PAX7: variants seen among roughly 807,000 people sequenced by gnomAD.
The protein encoded by PAX7 is paired box protein Pax-7.
In PAX7, 18 loss-of-function variants were observed where a neutral mutation model predicts 50.7. The ratio of observed to expected loss-of-function variants is 0.36; its 90% CI spans 0.25 to 0.53. The LOEUF (loss-of-function observed/expected upper bound fraction) is 0.53. Ranked by LOEUF, PAX7 falls within the 20% of genes least tolerant of loss-of-function variation. The probability of loss-of-function intolerance (pLI) is 0.93; values close to 1 mark genes in which losing one functional copy is unlikely to be tolerated. For synonymous variants in PAX7, 310 were observed against 290.4 expected, an observed-to-expected ratio of 1.07 and a Z score of -0.69; for missense variants, 644 against 702.9, an observed-to-expected ratio of 0.92 and a Z score of 0.95.
chr1:18,718,505 A>T (rs1030936138), intron 7 of PAX7, among the ~76,000 whole-genome samples: 2 of 152,190 alleles, frequency 1.3e-5, no homozygotes, highest in African/African-American at 2.4e-5. Context: ...GGCCTGGCAC[A>T]TCCAAAGCAT....
intron 4 of PAX7, among the ~76,000 whole-genome samples, chr1:18,682,393 G>A (rs1246961480): frequency 2.0e-5 from 3 of 152,200 alleles, no homozygotes; most frequent in African/African-American, 7.2e-5. Flanking sequence ...GCATGGAGGA[G>A]TCTTGCCCTT....
chr1:18,661,056 G>A (rs1052347550), intron 4 of PAX7, among the ~76,000 whole-genome samples: 2 of 152,070 alleles, frequency 1.3e-5, no homozygotes, highest in African/African-American at 2.4e-5. Context: ...AATAGGGAGG[G>A]GGCCAAAGCA....
chr1:18,679,358 G>A (rs2088865950), intron 4 of PAX7, among the ~76,000 whole-genome samples: 1 of 152,216 alleles, frequency 6.6e-6, no homozygotes, highest in Admixed American at 6.5e-5. Flanking sequence ...GTGGGGAGGG[G>A]GAGAAGGAGG....
chr1:18,704,855 A>C (rs773182619), intron 7 of PAX7, among the ~76,000 whole-genome samples: 2 of 152,196 alleles, frequency 1.3e-5, no homozygotes, highest in Non-Finnish European at 2.9e-5. Flanking sequence ...ACCCTTGAGT[A>C]AGTCCCTTCC....
intron 5 of PAX7, among the ~76,000 whole-genome samples, chr1:18,698,902 A>T (rs1166134461): frequency 1.3e-5 from 2 of 152,138 alleles, no homozygotes; most frequent in Admixed American, 1.3e-4. Context: ...GGGGTGCATA[A>T]GCGCCCTCCA....
intron 7 of PAX7, among the ~76,000 whole-genome samples, chr1:18,730,083 G>C (rs1448785484): frequency 1.3e-5 from 2 of 152,108 alleles, no homozygotes; most frequent in African/African-American, 2.4e-5. Context: ...AAAAAGGAAG[G>C]GGAGGGGGAC....
chr1:18,741,821 G>A (rs1200459300), intron 8 of PAX7, among the ~76,000 whole-genome samples: 1 of 152,198 alleles, frequency 6.6e-6, no homozygotes, highest in African/African-American at 2.4e-5. Flanking sequence ...AGAGCACCTC[G>A]TGCCCTCTAG....
intron 4 of PAX7, among the ~76,000 whole-genome samples, chr1:18,672,596 GTTTTTTTT>G (rs1034079316): frequency 1.6e-5 from 2 of 125,820 alleles, no homozygotes; most frequent in Admixed American, 1.7e-4. Flanking sequence ...AGAGCACTGT[GTTTTTTTT>G]TTTTTTTTTT....
intron 4 of PAX7, among the ~76,000 whole-genome samples, chr1:18,676,259 T>C (rs1400976476): frequency 6.6e-6 from 1 of 152,002 alleles, no homozygotes; most frequent in Non-Finnish European, 1.5e-5. Context: ...GTGTTGCAAA[T>C]CAGAAATTTG....
chr1:18,641,919 G>A (rs2088261551), intron 4 of PAX7, among the ~76,000 whole-genome samples: 1 of 151,846 alleles, frequency 6.6e-6, no homozygotes, highest in Admixed American at 6.6e-5. Context: ...CCCTGGTCCT[G>A]AGACTGCATC....
intron 8 of PAX7, among the ~76,000 whole-genome samples, chr1:18,739,041 G>C (rs540623973): frequency 1.3e-5 from 2 of 152,228 alleles, no homozygotes; most frequent in Admixed American, 1.3e-4. Flanking sequence ...GACTGTGCCC[G>C]CCTATGCCCA....
chr1:18,693,352 G>C (rs1001731978), intron 5 of PAX7, among the ~76,000 whole-genome samples: 1 of 152,168 alleles, frequency 6.6e-6, no homozygotes, highest in Non-Finnish European at 1.5e-5. Context: ...TCGGGTCAGC[G>C]TGGTCACCCC....
chr1:18,705,779 C>T (rs1182035099), intron 7 of PAX7, among the ~76,000 whole-genome samples: 2 of 152,168 alleles, frequency 1.3e-5, no homozygotes, highest in Non-Finnish European at 2.9e-5. Context: ...AAGTTGGACG[C>T]CCAGCCCTCC....
At chr1:18,723,424 G>A (rs1403201384) in intron 7 of PAX7, among the ~76,000 whole-genome samples, 2 of 152,198 alleles carry the variant, frequency 1.3e-5, no homozygotes, top group South Asian at 4.1e-4. Context: ...GGCACATGAA[G>A]GACAGCCGAA....
intron 4 of PAX7, among the ~76,000 whole-genome samples, chr1:18,666,203 C>T (rs1375984409): frequency 6.6e-6 from 1 of 152,142 alleles, no homozygotes; most frequent in Non-Finnish European, 1.5e-5. Context: ...ACCTCCTTTC[C>T]CCAGGCTGTG....
chr1:18,710,889 C>T (rs903451488), intron 7 of PAX7, among the ~76,000 whole-genome samples: 5 of 152,164 alleles, frequency 3.3e-5, no homozygotes, highest in East Asian at 1.9e-4. Flanking sequence ...GCACATTTTC[C>T]GAGGTTGGGT....
chr1:18,718,514 A>G (rs2089455768), intron 7 of PAX7, among the ~76,000 whole-genome samples: 1 of 152,144 alleles, frequency 6.6e-6, no homozygotes, highest in Non-Finnish European at 1.5e-5. Flanking sequence ...CATCCAAAGC[A>G]TGGATTAGCG....
chr1:18,717,325 C>T (rs1232454248), intron 7 of PAX7, among the ~76,000 whole-genome samples: 3 of 152,320 alleles, frequency 2.0e-5, no homozygotes, highest in Middle Eastern at 3.4e-3. Context: ...GGCGAAGGGA[C>T]GGGCAGCCGG....
intron 7 of PAX7, among the ~76,000 whole-genome samples, chr1:18,723,737 C>T (rs913114721): frequency 6.6e-6 from 1 of 152,224 alleles, no homozygotes; most frequent in Admixed American, 6.5e-5. Flanking sequence ...CAAATGCTTT[C>T]TTTTTCCCTT....
Sources: allele counts gnomAD v4.1 joint callset (sites outside exome capture counted in the v4.1 genomes callset), GRCh38; gene constraint gnomAD v4.1.1; transcripts MANE v1.5; gene names NCBI Gene and HGNC (gene_info 2026-07-23, HGNC 2026-07-21).